TBC1D12: variants seen among roughly 807,000 people sequenced by gnomAD.
TBC1D12 encodes TBC1 domain family member 12, also known as TBC1 domain family, member 12.
In TBC1D12, 56 loss-of-function variants were observed where a neutral mutation model predicts 86.7. The observed-to-expected ratio is 0.65, with a 90% CI of 0.52 to 0.81. TBC1D12 has a LOEUF of 0.81. Ranked by LOEUF, TBC1D12 falls within the 30% of genes least tolerant of loss-of-function variation. The pLI, the probability that TBC1D12 is intolerant of heterozygous loss-of-function variation, is 0.00. For missense variants in TBC1D12, 1,023 were observed against 1,038.8 expected (o/e 0.98, Z 0.21); for synonymous variants, 421 against 411.7 (o/e 1.02, Z -0.27).
At chr10:94,522,546 G>A in intron 11 of TBC1D12, 93 bp downstream of exon 11, 1 of 565,888 alleles carries the variant, frequency 1.8e-6, no homozygotes. Context: ...CTCATGTGCA[G>A]GATTTTACAT....
At chr10:94,506,099 C>T (rs1213068030) in intron 6 of TBC1D12, among the ~76,000 whole-genome samples, 11 of 151,082 alleles carry the variant, frequency 7.3e-5, no homozygotes, top group African/African-American at 2.0e-4. Context: ...TGCAGTGGTG[C>T]GATCTCTGCT....
chr10:94,505,207 C>T (rs1377842934), intron 6 of TBC1D12, among the ~76,000 whole-genome samples: 1 of 152,070 alleles, frequency 6.6e-6, no homozygotes, highest in African/African-American at 2.4e-5. Context: ...TACCTAATAA[C>T]CCCCAAATAA....
intron 1 of TBC1D12, among the ~76,000 whole-genome samples, chr10:94,421,004 T>C (rs1326026942): frequency 1.3e-5 from 2 of 152,210 alleles, no homozygotes; most frequent in African/African-American, 4.8e-5. Flanking sequence ...CTGAGAACAT[T>C]AGAAAACCCT....
chr10:94,524,962 A>G (rs1206108887), intron 11 of TBC1D12, among the ~76,000 whole-genome samples: 1 of 152,058 alleles, frequency 6.6e-6, no homozygotes, highest in Non-Finnish European at 1.5e-5. Flanking sequence ...AGTAGTTGGG[A>G]TTACAGGTAT....
At chr10:94,404,995 T>C (rs2054832644) in intron 1 of TBC1D12, among the ~76,000 whole-genome samples, 1 of 148,904 alleles carries the variant, frequency 6.7e-6, no homozygotes. Context: ...TGCTGTGAGC[T>C]GAGATCGAGC....
rs1361935843 is a variant in TBC1D12, at chr10:94,535,880, A to G, written c.*2784A>G. The G allele has an allele frequency of 1.3e-5, 2 of 152,196 alleles. No homozygotes were observed. The highest frequency in any genetic ancestry group is 2.9e-5 in the Non-Finnish European group (2 of 68,006). The allele number at this position is 152,196 out of a possible 1,614,324, so 9.4% of individuals were successfully genotyped here. ...AAAATGTAAATACAAAGAATTCACT[A>G]AAAACCACTCATAACAATTACTGTG... On this transcript the variant is annotated 3_prime_UTR_variant, in exon 13 of 13. Transcript: ENST00000225235.
At chr10:94,444,483 G>C (rs1190856982) in intron 2 of TBC1D12, among the ~76,000 whole-genome samples, 1 of 152,044 alleles carries the variant, frequency 6.6e-6, no homozygotes, top group Non-Finnish European at 1.5e-5. Context: ...TGTTTCAGAA[G>C]ACCAAGTTCG....
chr10:94,507,227 C>A (rs763402007), intron 6 of TBC1D12, 40 bp from the exon 7 acceptor site: 3 of 1,570,296 alleles, frequency 1.9e-6, no homozygotes, highest in Non-Finnish European at 8.7e-7. Flanking sequence ...ATATTTCTTT[C>A]CTATTATTCA....
At chr10:94,468,359 T>C (rs1352717479) in intron 2 of TBC1D12, among the ~76,000 whole-genome samples, 1 of 152,238 alleles carries the variant, frequency 6.6e-6, no homozygotes, top group Non-Finnish European at 1.5e-5. Context: ...ATTATATTGC[T>C]GGTCTACTGA....
chr10:94,498,541 C>T (rs927605461), intron 5 of TBC1D12, among the ~76,000 whole-genome samples: 14 of 152,098 alleles, frequency 9.2e-5, no homozygotes, highest in Non-Finnish European at 2.1e-4. Flanking sequence ...GCAACCTCTA[C>T]CTCCTGGATT....
intron 7 of TBC1D12, chr10:94,509,039 G>A (rs186543923): frequency 6.6e-6 from 1 of 152,056 alleles, no homozygotes. Flanking sequence ...GATCTAGGTT[G>A]GGGCAAGGTT....
chr10:94,488,536 A>G (rs187106401), intron 3 of TBC1D12, among the ~76,000 whole-genome samples: 4,423 of 149,924 alleles, frequency 0.03, 97 homozygotes, highest in South Asian at 0.044. Flanking sequence ...GCTTACAGGC[A>G]CATGCCACCA....
At chr10:94,516,527 C>T (rs1841996740) in intron 9 of TBC1D12, among the ~76,000 whole-genome samples, 1 of 151,406 alleles carries the variant, frequency 6.6e-6, no homozygotes, top group Admixed American at 6.6e-5. Flanking sequence ...ATTAACTCGT[C>T]ATTTACATTA....
intron 2 of TBC1D12, among the ~76,000 whole-genome samples, chr10:94,443,573 G>A (rs2055410798): frequency 2.0e-5 from 3 of 152,166 alleles, no homozygotes; most frequent in South Asian, 4.1e-4. Context: ...ACACACTGGG[G>A]TACTGTGGGA....
chr10:94,504,442 T>C (rs1346161260), intron 6 of TBC1D12, among the ~76,000 whole-genome samples: 1 of 152,226 alleles, frequency 6.6e-6, no homozygotes, highest in Non-Finnish European at 1.5e-5. Flanking sequence ...AAGAATGGAA[T>C]GTGTGTTTAT....
intron 1 of TBC1D12, among the ~76,000 whole-genome samples, chr10:94,414,523 A>G (rs777926277): frequency 6.6e-6 from 1 of 151,646 alleles, no homozygotes; most frequent in Non-Finnish European, 1.5e-5. Flanking sequence ...GTGTCTTTAA[A>G]GTATCTTGTA....
intron 3 of TBC1D12, among the ~76,000 whole-genome samples, chr10:94,479,108 C>A (rs1490461592): frequency 6.6e-6 from 1 of 152,062 alleles, no homozygotes; most frequent in Non-Finnish European, 1.5e-5. Context: ...GTAGTAATTT[C>A]AAACAGAGGA....
chr10:94,466,788 C>A (rs917912123), intron 2 of TBC1D12, among the ~76,000 whole-genome samples: 1 of 152,146 alleles, frequency 6.6e-6, no homozygotes, highest in Non-Finnish European at 1.5e-5. Context: ...TAATTAAACT[C>A]CAGACTTCAC....
intron 2 of TBC1D12, among the ~76,000 whole-genome samples, chr10:94,462,812 G>A (rs2055749957): frequency 1.3e-5 from 2 of 151,932 alleles, no homozygotes; most frequent in South Asian, 4.1e-4. Flanking sequence ...TCATTCATCA[G>A]TTTTACTAGG....
Sources: gnomAD v4.1 joint callset for allele counts (sites outside exome capture counted in the v4.1 genomes callset) on GRCh38, gnomAD v4.1.1 for gene constraint, MANE v1.5 for transcripts, NCBI Gene and HGNC (gene_info 2026-07-23, HGNC 2026-07-21) for gene names.